Variants in TATDN2 observed in about 807,000 individuals in gnomAD.
TATDN2 encodes TatD DNase domain containing 2.
Under a neutral mutation model 60.3 loss-of-function variants are expected in TATDN2, and 44 were observed. The ratio of observed to expected loss-of-function variants is 0.73; its 90% CI spans 0.57 to 0.94. The LOEUF is 0.94. TATDN2 is among the 40% of genes least tolerant of loss of function. TATDN2 has a pLI of 0.00. For synonymous variants in TATDN2, 399 were observed against 355.8 expected (o/e 1.12, Z -1.37); for missense variants, 997 against 948.0 (o/e 1.05, Z -0.68).
At position 10,249,602 on chromosome 3, in the gene TATDN2, C is replaced by T. The variant is rs1315356280; in HGVS notation, c.402C>T (p.Ala134=). 2 of 1,518,906 alleles carry T rather than the reference C, an allele frequency of 1.3e-6. No homozygotes were observed. Among genetic ancestry groups the T allele is most frequent in the South Asian group, 1.3e-5 (1 of 76,026 alleles). 94.1% of individuals were successfully genotyped at this position (1,518,906 alleles called of 1,614,324 possible). ...LEEMASLEEE[A]CSLKVDSKDS... ...AAATGGCTTCTCTAGAGGAGGAAGC[C>T]TGCAGCCTTAAGGTAGGTGGCTGCC... The change falls in exon 2 of 8, where the codon GCC becomes GCT. Residue 134 remains alanine (A), a synonymous_variant. Transcript: ENST00000448281.
chr3:10,249,091 C>T (rs996766647), intron 1 of TATDN2, 24 bp downstream of exon 1: 1 of 1,346,958 alleles, frequency 7.4e-7, no homozygotes, highest in African/African-American at 1.5e-5. Context: ...GCCCCTGGCT[C>T]TGCCCTTATG....
In TATDN2 at chr3:10,260,088, C is replaced by G. The variant is rs978546086; in HGVS notation, c.415-49C>G. ...TATAATTTGCCAAATGCTTCATGTA[C>G]GAAAGTGCCCTTGGAACAGCCCTTT... On this transcript the variant is annotated intron_variant, in intron 2 of 7. Coordinates refer to ENST00000448281, the MANE Select transcript of TATDN2 (RefSeq NM_014760.4). 1.9e-6 allele frequency: 3 copies of G among 1,554,110 alleles called. No homozygotes were observed. In the South Asian group the frequency reaches 3.8e-5, roughly 20 times the overall value.
At position 10,280,976 on chromosome 3, in the gene TATDN2, C is replaced by T. The variant is rs558222360; in HGVS notation, c.*1794C>T. The stretch of plus-strand genomic sequence containing the variant: ...GACATGGAAGTCTCCAAGCCTGTGC[C>T]ATCCACCTGCCAAGGAAAAGCACAA... On this transcript the variant is annotated 3_prime_UTR_variant, in exon 8 of 8. Transcript: ENST00000448281. 1 of 152,412 alleles carries T rather than the reference C, an allele frequency of 6.6e-6. No homozygotes were observed. Among genetic ancestry groups the T allele is most frequent in the Non-Finnish European group, 1.5e-5 (1 of 68,052 alleles). The allele number at this position is 152,412 out of a possible 1,614,324, so 9.4% of individuals were successfully genotyped here. A position where few individuals can be genotyped will look rare whatever the true frequency, so the allele number is the denominator to read the frequency against.
chr3:10,269,006 GC>G (rs1698518410), intron 3 of TATDN2, among the ~76,000 whole-genome samples: 1 of 152,168 alleles, frequency 6.6e-6, no homozygotes, highest in Non-Finnish European at 1.5e-5. Context: ...TTCTTGGGGA[GC>G]CCCATGTAGT....
chr3:10,278,193 T>G lies in TATDN2; in HGVS notation c.1962-86T>G. The G allele has an allele frequency of 7.0e-7, 1 of 1,428,696 alleles. No homozygotes were observed. Among genetic ancestry groups the G allele is most frequent in the East Asian group, 2.3e-5 (1 of 43,394 alleles). The allele number at this position is 1,428,696 out of a possible 1,614,324, so 88.5% of individuals were successfully genotyped here. On this transcript the variant is annotated intron_variant, in intron 5 of 7. Coordinates refer to ENST00000448281, the MANE Select transcript of TATDN2 (RefSeq NM_014760.4). The surrounding 1 kb of genome is among the most constrained non-coding windows in gnomAD (Gnocchi z 4.7). ...GCAGTCTTTCCATTTCTGGGAATCA[T>G]TGAAAAGGGGTGATGGGTGTGGGGG...
rs557386708 is a variant in TATDN2, at chr3:10,273,929, C to T, written c.1834-2432C>T. Among the ~76,000 whole-genome samples, 4 of 152,220 alleles carry T rather than the reference C, an allele frequency of 2.6e-5. No individual in the cohort carries two copies. In the South Asian group the frequency reaches 8.3e-4, roughly 32 times the overall value. On this transcript the variant is annotated intron_variant, in intron 4 of 7. Transcript: ENST00000448281. ...AGGGAGAGTAGACTGTCCTTCCCTACCCAGGCTGTATCTCTTTACTTGTGT... is the reference window on the plus strand; with the variant it reads ...AGGGAGAGTAGACTGTCCTTCCCTATCCAGGCTGTATCTCTTTACTTGTGT...
intron 4 of TATDN2, among the ~76,000 whole-genome samples, chr3:10,272,381 C>G (rs974742883): frequency 2.0e-5 from 3 of 152,168 alleles, no homozygotes; most frequent in Non-Finnish European, 2.9e-5. Flanking sequence ...TCAAGTGATT[C>G]TCCTGGCTCA....
chr3:10,263,589 T>C (rs1182955609), intron 3 of TATDN2, among the ~76,000 whole-genome samples: 1 of 152,208 alleles, frequency 6.6e-6, no homozygotes, highest in Non-Finnish European at 1.5e-5. Flanking sequence ...ACTGTCATGC[T>C]TTTTATTATC....
At chr3:10,252,536 A>T (rs1385638460) in intron 2 of TATDN2, among the ~76,000 whole-genome samples, 1 of 151,960 alleles carries the variant, frequency 6.6e-6, no homozygotes. Flanking sequence ...CTTCATCTGT[A>T]CCTCTTCCTC....
intron 3 of TATDN2, among the ~76,000 whole-genome samples, chr3:10,261,028 C>G (rs935637919): frequency 2.6e-5 from 4 of 152,164 alleles, no homozygotes; most frequent in African/African-American, 9.7e-5. Flanking sequence ...CTCTATCACC[C>G]CTCAACACAG....
In TATDN2 at chr3:10,249,179, C is replaced by T. The variant is rs1444894569; in HGVS notation, c.-6-16C>T. 2 of 1,507,900 alleles carry T rather than the reference C, an allele frequency of 1.3e-6. No individual in the cohort carries two copies. The highest frequency in any genetic ancestry group is 1.8e-6 in the Non-Finnish European group (2 of 1,128,268). 93.4% of individuals were successfully genotyped at this position (1,507,900 alleles called of 1,614,324 possible). A position where few individuals can be genotyped will look rare whatever the true frequency, so the allele number is the denominator to read the frequency against. On this transcript the variant is annotated splice_polypyrimidine_tract_variant and intron_variant, in intron 1 of 7. Coordinates refer to ENST00000448281, the MANE Select transcript of TATDN2 (RefSeq NM_014760.4). ...GGAAGGGTGGTGTTGGAATCCAGGC[C>T]CCCTGTACCTTGCAGGTGCCCATGG...
Position 10,249,506 on chromosome 3 carries a change from G to C in TATDN2, c.306G>C (p.Leu102=). The C allele has an allele frequency of 6.2e-7, 1 of 1,610,802 alleles. No individual in the cohort carries two copies. The highest frequency in any genetic ancestry group is 8.5e-7 in the Non-Finnish European group (1 of 1,178,428). ...GVGGAASKGC[L]IRNTRGFLSS... The stretch of plus-strand genomic sequence containing the variant: ...GCGGGGCCGCCTCCAAAGGCTGCCT[G>C]ATTCGGAACACTCGGGGGTTCCTGT... The change falls in exon 2 of 8, where the codon CTG becomes CTC. Residue 102 remains leucine, a synonymous_variant. Transcript: ENST00000448281.
chr3:10,275,785 A>T (rs1039292452), intron 4 of TATDN2, among the ~76,000 whole-genome samples: 19 of 149,118 alleles, frequency 1.3e-4, no homozygotes, highest in Non-Finnish European at 2.7e-4. Context: ...AAACAAAGCA[A>T]GTTGTAGAAA....
chr3:10,256,710 G>T (rs1011461751), intron 2 of TATDN2, among the ~76,000 whole-genome samples: 18 of 152,076 alleles, frequency 1.2e-4, no homozygotes, highest in African/African-American at 4.3e-4. Context: ...TCAGTTTGTT[G>T]CAGATCTCAC....
At chr3:10,257,696 A>C (rs1010550683) in intron 2 of TATDN2, among the ~76,000 whole-genome samples, 2 of 151,564 alleles carry the variant, frequency 1.3e-5, no homozygotes, top group African/African-American at 4.8e-5. Flanking sequence ...AAGTAAGAAA[A>C]TTTACTAAGT....
At chr3:10,257,597 C>CAA (rs1196293139) in intron 2 of TATDN2, among the ~76,000 whole-genome samples, 1,124 of 68,956 alleles carry the variant, frequency 0.016, 35 homozygotes, top group South Asian at 0.082. Flanking sequence ...CCACTGTCTC[C>CAA]AAAAAAAAAA....
intron 3 of TATDN2, among the ~76,000 whole-genome samples, chr3:10,264,678 ATCT>A (rs1419432478): frequency 6.7e-6 from 1 of 148,150 alleles, no homozygotes; most frequent in Non-Finnish European, 1.5e-5. Flanking sequence ...CTTCAACTTT[ATCT>A]TCTTTTTTTT....
At chr3:10,269,653 A>C (rs919460236) in intron 3 of TATDN2, among the ~76,000 whole-genome samples, 1 of 152,048 alleles carries the variant, frequency 6.6e-6, no homozygotes, top group African/African-American at 2.4e-5. Context: ...GTGAGTCGAG[A>C]TCTCACCACC....
chr3:10,271,552 C>T (rs1698564119), intron 4 of TATDN2, among the ~76,000 whole-genome samples: 1 of 152,146 alleles, frequency 6.6e-6, no homozygotes, highest in African/African-American at 2.4e-5. Context: ...GATCCACCCG[C>T]CTTGGCCTCC....
Sources: allele counts gnomAD v4.1 joint callset (sites outside exome capture counted in the v4.1 genomes callset), GRCh38; gene constraint gnomAD v4.1.1; non-coding constraint Gnocchi (gnomAD v3.1); transcripts MANE v1.5; gene names NCBI Gene and HGNC (gene_info 2026-07-23, HGNC 2026-07-21).